DNAJC2: variants seen among roughly 807,000 people sequenced by gnomAD.
The protein encoded by DNAJC2 is dnaJ homolog subfamily C member 2.
DNAJC2 carries 32 observed loss-of-function variants against 94.0 expected under a neutral mutation model. That is an observed-to-expected ratio of 0.34 (90% confidence interval 0.26 to 0.46). DNAJC2 has a LOEUF of 0.46. DNAJC2 is among the 20% of genes least tolerant of loss of function. The probability of loss-of-function intolerance (pLI) is 1.00; values close to 1 mark genes in which losing one functional copy is unlikely to be tolerated. For missense variants in DNAJC2, 550 were observed against 719.5 expected (o/e 0.76, Z 2.69); for synonymous variants, 210 against 229.7 (o/e 0.91, Z 0.77).
At chr7:103,321,295 G>A (rs1818394854) in intron 10 of DNAJC2, among the ~76,000 whole-genome samples, 2 of 151,432 alleles carry the variant, frequency 1.3e-5, no homozygotes, top group South Asian at 4.2e-4. Context: ...GAGATGGGTG[G>A]ATCATGAGGT....
chr7:103,331,918 G>A (rs1211583716), intron 3 of DNAJC2, among the ~76,000 whole-genome samples: 2 of 151,928 alleles, frequency 1.3e-5, no homozygotes, highest in Non-Finnish European at 2.9e-5. Context: ...TTAATTTTTT[G>A]AGAAATCTCC....
At chr7:103,313,199 G>T in intron 15 of DNAJC2, 98 bp from the exon 16 acceptor site, 1 of 1,465,722 alleles carries the variant, frequency 6.8e-7, no homozygotes. Flanking sequence ...ATTTCAATCT[G>T]GGATGTGTCA....
intron 5 of DNAJC2, 22 bp downstream of exon 5, chr7:103,326,521 C>A: frequency 6.2e-7 from 1 of 1,613,340 alleles, no homozygotes; most frequent in Non-Finnish European, 8.5e-7. Flanking sequence ...GCACTATGAT[C>A]AAAAGGGATG....
chr7:103,334,918 C>G (rs770956215), intron 3 of DNAJC2, among the ~76,000 whole-genome samples: 4 of 152,216 alleles, frequency 2.6e-5, no homozygotes, highest in South Asian at 2.1e-4. Flanking sequence ...GCTGCAACCT[C>G]TGCCTCCCAG....
chr7:103,314,024 AAAAACAAAAC>A lies in DNAJC2; in HGVS notation c.1637-933_1637-924del, dbSNP rs370020947. 340 of 985,420 alleles carry A rather than the reference AAAAACAAAAC, an allele frequency of 3.5e-4. 2 individuals are homozygous for A. In the African/African-American group the frequency reaches 4.5e-3, roughly 13 times the overall value. 61.0% of individuals were successfully genotyped at this position (985,420 alleles called of 1,614,324 possible). A position where few individuals can be genotyped will look rare whatever the true frequency, so the allele number is the denominator to read the frequency against. On this transcript the variant is annotated intron_variant, in intron 15 of 16. Coordinates refer to ENST00000379263, the MANE Select transcript of DNAJC2 (RefSeq NM_014377.3). ...AAAGTTCCTTCCCAATTAAAGAAGGAAAAACAAAACAAAACAAAACAAAACCACCACCTAT... is the reference window on the plus strand; with the variant it reads ...AAAGTTCCTTCCCAATTAAAGAAGGAAAAACAAAACAAAACCACCACCTAT...
intron 2 of DNAJC2, among the ~76,000 whole-genome samples, chr7:103,341,358 T>C (rs983561255): frequency 1.3e-5 from 2 of 152,212 alleles, no homozygotes; most frequent in Non-Finnish European, 2.9e-5. Context: ...TGGTCTAGTG[T>C]CCTTTTAAAG....
At chr7:103,332,524 T>C (rs983818965) in intron 3 of DNAJC2, among the ~76,000 whole-genome samples, 1 of 152,234 alleles carries the variant, frequency 6.6e-6, no homozygotes, top group Non-Finnish European at 1.5e-5. Flanking sequence ...CATTAGAATT[T>C]TTAATTCTTT....
In DNAJC2 at chr7:103,319,628, T is replaced by C; in HGVS notation, c.1223A>G (p.Lys408Arg). 6.2e-7 allele frequency: 1 copy of C among 1,614,158 alleles called. No individual in the cohort carries two copies. The change falls in exon 12 of 17, where the codon AAG (lysine) becomes AGG (arginine). Residue 408 changes from lysine to arginine, a missense_variant. Coordinates refer to ENST00000379263, the MANE Select transcript of DNAJC2 (RefSeq NM_014377.3). ...TLTSCTKEVG[K>R]AALEKQIEEI... ...TATTACCTGTTTTTCCAAAGCAGCC[T>C]TTCCTACTTCTTTTGTGCATGATGT...
chr7:103,332,648 T>G lies in DNAJC2; in HGVS notation c.332-4894A>C, dbSNP rs1343438274. Among the ~76,000 whole-genome samples, 3 of 151,438 alleles carry G rather than the reference T, an allele frequency of 2.0e-5. 1 individual carries two copies. Among genetic ancestry groups the G allele is most frequent in the Admixed American group, 2.0e-4 (3 of 15,176 alleles). On this transcript the variant is annotated intron_variant, in intron 3 of 16. Coordinates refer to ENST00000379263, the MANE Select transcript of DNAJC2 (RefSeq NM_014377.3). ...CCTTTTTTTTTTGCGGGGGAGGGGATGGGGACAGGGTCTTACTATTGCTCA... is the reference window on the plus strand; with the variant it reads ...CCTTTTTTTTTTGCGGGGGAGGGGAGGGGGACAGGGTCTTACTATTGCTCA...
chr7:103,321,192 TCAA>T (rs1331347100), intron 10 of DNAJC2, among the ~76,000 whole-genome samples: 7 of 151,540 alleles, frequency 4.6e-5, no homozygotes, highest in Admixed American at 2.6e-4. Context: ...AGACCCTGCC[TCAA>T]CAACAACAAT....
chr7:103,334,542 C>T (rs370922210), intron 3 of DNAJC2, among the ~76,000 whole-genome samples: 5 of 150,734 alleles, frequency 3.3e-5, no homozygotes, highest in African/African-American at 1.2e-4. Flanking sequence ...CGCGACTGCA[C>T]TCCACCCTGG....
intron 3 of DNAJC2, among the ~76,000 whole-genome samples, chr7:103,332,285 G>A (rs1048085048): frequency 9.9e-5 from 15 of 152,162 alleles, no homozygotes; most frequent in Non-Finnish European, 1.3e-4. Context: ...GATTATAGGC[G>A]TGAGCCACTG....
intron 15 of DNAJC2, chr7:103,313,789 T>C: frequency 1.0e-6 from 1 of 985,410 alleles, no homozygotes; most frequent in Non-Finnish European, 1.2e-6. Flanking sequence ...CAAATATGTT[T>C]CTTAAGGATG....
rs1308041571 is a variant in DNAJC2, at chr7:103,322,755, T to A, written c.759A>T (p.Ala253=). ...ERRWIEKQNR[A]TRAQRKKEEM... ...CTTCTTTTTTTCTTTGTGCTCTTGT[T>A]GCTCTGTTCTGCTTTTCAATCCATC... Residue 253 remains alanine (A), a synonymous_variant, in exon 8 of 17, where the codon GCA becomes GCT. Coordinates refer to ENST00000379263, the MANE Select transcript of DNAJC2 (RefSeq NM_014377.3). 4.4e-6 allele frequency: 7 copies of A among 1,608,490 alleles called. No individual in the cohort carries two copies. The highest frequency in any genetic ancestry group is 5.9e-6 in the Non-Finnish European group (7 of 1,179,730).
chr7:103,342,851 A>ACCCACCT (rs1819436729), intron 1 of DNAJC2, among the ~76,000 whole-genome samples: 1 of 149,920 alleles, frequency 6.7e-6, no homozygotes, highest in Non-Finnish European at 1.5e-5. Context: ...CTCGTGATCC[A>ACCCACCT]CCCACCTCGG....
intron 5 of DNAJC2, 63 bp from the exon 6 acceptor site, chr7:103,324,625 CAATTT>C (rs1230638308): frequency 7.9e-6 from 10 of 1,263,708 alleles, no homozygotes; most frequent in South Asian, 3.6e-5. Context: ...GTTCAACAAA[CAATTT>C]AATTTATTAA....
intron 13 of DNAJC2, chr7:103,316,435 A>G: frequency 4.5e-6 from 1 of 220,084 alleles, no homozygotes; most frequent in Non-Finnish European, 8.9e-6. Flanking sequence ...CTATAGAATT[A>G]GGGACGCTGG....
intron 15 of DNAJC2, 58 bp from the exon 16 acceptor site, chr7:103,313,159 T>G: frequency 6.5e-7 from 1 of 1,550,092 alleles, no homozygotes; most frequent in South Asian, 1.2e-5. Context: ...CAGACAAGTC[T>G]TGTGGTCCAC....
At chr7:103,322,134 T>G in intron 9 of DNAJC2, 53 bp from the exon 10 acceptor site, 1 of 1,320,358 alleles carries the variant, frequency 7.6e-7, no homozygotes. Context: ...AATTCCTAAA[T>G]GTTTTATAAT....
Sources: gnomAD v4.1 joint callset for allele counts (sites outside exome capture counted in the v4.1 genomes callset) on GRCh38, gnomAD v4.1.1 for gene constraint, MANE v1.5 for transcripts, NCBI Gene and HGNC (gene_info 2026-07-23, HGNC 2026-07-21) for gene names.